SLC9A9: variants seen among roughly 807,000 people sequenced by gnomAD.
SLC9A9 encodes solute carrier family 9 member A9, also known as sodium/hydrogen exchanger 9.
In SLC9A9, 62 loss-of-function variants were observed where a neutral mutation model predicts 77.8. The ratio of observed to expected loss-of-function variants is 0.80; its 90% CI spans 0.65 to 0.98. SLC9A9 has a LOEUF of 0.98. Among genes scored for constraint, SLC9A9 ranks in the 50% least tolerant of loss-of-function variants. The pLI, the probability that SLC9A9 is intolerant of heterozygous loss-of-function variation, is 0.00. For synonymous variants in SLC9A9, 320 were observed against 283.5 expected (o/e 1.13, Z -1.29); for missense variants, 775 against 774.9 (o/e 1.00, Z 0.00).
rs549064327 is a variant in SLC9A9 at position 143,482,972 on chromosome 3, T to C, written c.1315+10681A>G. Among the ~76,000 whole-genome samples the C allele has an allele frequency of 2.0e-5, 3 of 152,292 alleles. No individual in the cohort carries two copies. In the South Asian group the frequency reaches 6.2e-4, roughly 32 times the overall value. On this transcript the variant is annotated intron_variant, in intron 11 of 15. Transcript: ENST00000316549. The stretch of plus-strand genomic sequence containing the variant: ...TTCCTCTTAAGCCCTTTGTGCTGAG[T>C]GTCACACGATATAGCAGAGCAGTTA...
At chr3:143,736,706 C>T (rs1208153976) in intron 4 of SLC9A9, among the ~76,000 whole-genome samples, 1 of 152,144 alleles carries the variant, frequency 6.6e-6, no homozygotes, top group Non-Finnish European at 1.5e-5. Context: ...TAGGTAATAT[C>T]ACAAAAGACG....
At chr3:143,450,187 A>G (rs2034978971) in intron 12 of SLC9A9, among the ~76,000 whole-genome samples, 1 of 134,780 alleles carries the variant, frequency 7.4e-6, no homozygotes, top group Non-Finnish European at 1.5e-5. Context: ...TATTATGTAA[A>G]TATAATATAT....
At chr3:143,269,072 T>C in intron 14 of SLC9A9, 92 bp from the exon 15 acceptor site, 1 of 960,052 alleles carries the variant, frequency 1.0e-6, no homozygotes, top group Admixed American at 1.9e-5. Context: ...GACAGCTACG[T>C]TTGCCTTTAA....
intron 14 of SLC9A9, among the ~76,000 whole-genome samples, chr3:143,354,683 TG>T (rs1238465074): frequency 6.6e-5 from 10 of 152,240 alleles, no homozygotes; most frequent in Non-Finnish European, 1.3e-4. Flanking sequence ...TCTTTTTTCA[TG>T]GGAAACAAAT....
At chr3:143,639,236 T>C (rs185927572) in intron 6 of SLC9A9, among the ~76,000 whole-genome samples, 50 of 152,288 alleles carry the variant, frequency 3.3e-4, no homozygotes, top group African/African-American at 1.2e-3. Flanking sequence ...CCCAAAAGCT[T>C]AGTATGCAGT....
intron 6 of SLC9A9, among the ~76,000 whole-genome samples, chr3:143,644,213 G>T (rs1434645315): frequency 6.6e-6 from 1 of 152,080 alleles, no homozygotes; most frequent in African/African-American, 2.4e-5. Flanking sequence ...ATTTGAATTG[G>T]GTTTCTATCA....
At chr3:143,451,214 T>C (rs528386649) in intron 12 of SLC9A9, among the ~76,000 whole-genome samples, 2 of 152,150 alleles carry the variant, frequency 1.3e-5, no homozygotes, top group Non-Finnish European at 2.9e-5. Context: ...AACATTTCTG[T>C]AGTGTTTTTG....
At chr3:143,779,345 T>G (rs1382088444) in intron 4 of SLC9A9, among the ~76,000 whole-genome samples, 1 of 152,146 alleles carries the variant, frequency 6.6e-6, no homozygotes, top group African/African-American at 2.4e-5. Flanking sequence ...GTAATTTAAC[T>G]TCTTTAATCC....
At chr3:143,639,904 T>C (rs2038592507) in intron 6 of SLC9A9, among the ~76,000 whole-genome samples, 1 of 152,182 alleles carries the variant, frequency 6.6e-6, no homozygotes, top group Non-Finnish European at 1.5e-5. Context: ...ATTAATAAAG[T>C]GGATGCTGAT....
At chr3:143,715,351 T>C (rs1934312576) in intron 4 of SLC9A9, among the ~76,000 whole-genome samples, 1 of 152,122 alleles carries the variant, frequency 6.6e-6, no homozygotes, top group Admixed American at 6.5e-5. Context: ...ATGTTAATGG[T>C]ATTTCACTCT....
intron 6 of SLC9A9, among the ~76,000 whole-genome samples, chr3:143,637,192 A>G (rs2038537556): frequency 6.6e-6 from 1 of 152,206 alleles, no homozygotes; most frequent in Non-Finnish European, 1.5e-5. Flanking sequence ...AAGGGAGTTC[A>G]ACGAGATCCA....
intron 6 of SLC9A9, among the ~76,000 whole-genome samples, chr3:143,605,265 G>A (rs936097176): frequency 6.6e-6 from 1 of 152,144 alleles, no homozygotes; most frequent in Non-Finnish European, 1.5e-5. Context: ...TACACATTTG[G>A]TAGGATTCTA....
At chr3:143,792,774 T>C (rs1341977686) in intron 4 of SLC9A9, among the ~76,000 whole-genome samples, 1 of 152,186 alleles carries the variant, frequency 6.6e-6, no homozygotes, top group Admixed American at 6.5e-5. Context: ...TACATTTACC[T>C]TTTCTGCCAC....
rs145032629 is a variant in SLC9A9, at chr3:143,815,724, G to A, written c.378+16295C>T. ...ACTAAAAATACAAAAAAATTAGCTG[G>A]GCATGGTGGTGTGCATCTGTAGTCC... On this transcript the variant is annotated intron_variant, in intron 2 of 15. Transcript: ENST00000316549. Among the ~76,000 whole-genome samples, 847 of 152,038 alleles carry A rather than the reference G, an allele frequency of 5.6e-3. 8 individuals are homozygous for A. Among genetic ancestry groups the A allele is most frequent in the African/African-American group, 0.019 (805 of 41,452 alleles).
At chr3:143,280,590 C>T (rs1193773505) in intron 14 of SLC9A9, among the ~76,000 whole-genome samples, 1 of 137,714 alleles carries the variant, frequency 7.3e-6, no homozygotes, top group Non-Finnish European at 1.5e-5. Context: ...CTTGATTTTG[C>T]CCAGGCTGGC....
chr3:143,612,333 G>A (rs1024711578), intron 6 of SLC9A9, among the ~76,000 whole-genome samples: 4 of 152,142 alleles, frequency 2.6e-5, no homozygotes, highest in Non-Finnish European at 5.9e-5. Context: ...CCATTTAAAC[G>A]GAATATTGTC....
chr3:143,383,205 T>G (rs2033344691), intron 12 of SLC9A9, among the ~76,000 whole-genome samples: 1 of 152,192 alleles, frequency 6.6e-6, no homozygotes, highest in South Asian at 2.1e-4. Flanking sequence ...ATCTCAAACC[T>G]TGTTTTTCCT....
chr3:143,762,956 T>C (rs978981941), intron 4 of SLC9A9, among the ~76,000 whole-genome samples: 4 of 152,076 alleles, frequency 2.6e-5, no homozygotes, highest in African/African-American at 9.7e-5. Flanking sequence ...ATGCCAGGCA[T>C]TGGGAGGGGA....
intron 4 of SLC9A9, among the ~76,000 whole-genome samples, chr3:143,716,549 T>C (rs994149194): frequency 3.9e-5 from 6 of 152,142 alleles, no homozygotes; most frequent in African/African-American, 1.4e-4. Flanking sequence ...TAGGCAGGAC[T>C]CAGGCAAGTT....
Sources: allele counts gnomAD v4.1 joint callset (sites outside exome capture counted in the v4.1 genomes callset), GRCh38; gene constraint gnomAD v4.1.1; transcripts MANE v1.5; gene names NCBI Gene and HGNC (gene_info 2026-07-23, HGNC 2026-07-21).